Variants in RANBP17 observed in about 807,000 individuals in gnomAD.
RANBP17 encodes the protein ran-binding protein 17.
A neutral mutation model predicts 141.2 loss-of-function variants in RANBP17; 158 were observed. That is an observed-to-expected ratio of 1.12 (90% CI 0.98 to 1.28). The LOEUF (loss-of-function observed/expected upper bound fraction) is 1.28, where lower values mean the gene tolerates loss of function less well. RANBP17 is among the 50% of genes most tolerant of loss of function. The pLI, the probability that RANBP17 is intolerant of heterozygous loss-of-function variation, is 0.00. For missense variants in RANBP17, 1,438 were observed against 1,290.7 expected (o/e 1.11, Z -1.75); for synonymous variants, 430 against 450.0 (o/e 0.96, Z 0.56).
intron 14 of RANBP17, among the ~76,000 whole-genome samples, chr5:171,056,826 T>A (rs774117290): frequency 2.0e-5 from 3 of 152,236 alleles, no homozygotes; most frequent in East Asian, 3.9e-4. Context: ...ACCTCAAAAA[T>A]TTTTTAAAGC....
chr5:171,160,060 G>T (rs1759228562), intron 14 of RANBP17, among the ~76,000 whole-genome samples: 1 of 152,046 alleles, frequency 6.6e-6, no homozygotes, highest in African/African-American at 2.4e-5. Flanking sequence ...ACTTACCTTG[G>T]AGATAGGAAG....
At position 170,916,466 on chromosome 5, in the gene RANBP17, C is replaced by T. The variant is rs1771979313; in HGVS notation, c.836C>T (p.Ala279Val). Residue 279 changes from alanine (A) to valine (V), a missense_variant and splice_region_variant, in exon 9 of 28, where the codon GCA (alanine) becomes GTA (valine). Ala to Val is a moderately conservative substitution (Grantham distance 64). Transcript: ENST00000523189. ...HSLPPLLSQLALSCLVQFAST... is the reference protein window; with the variant it reads ...HSLPPLLSQLVLSCLVQFAST... ...TGAAATTTTTTTGGTATTTTTTAGG[C>T]ACTTTCATGTTTAGTTCAGTTTGCT... 2.0e-6 allele frequency: 3 copies of T among 1,529,176 alleles called. No individual in the cohort carries two copies. Among genetic ancestry groups the T allele is most frequent in the Non-Finnish European group, 2.6e-6 (3 of 1,134,930 alleles). 94.7% of individuals were successfully genotyped at this position (1,529,176 alleles called of 1,614,324 possible). A position where few individuals can be genotyped will look rare whatever the true frequency, so the allele number is the denominator to read the frequency against.
intron 25 of RANBP17, among the ~76,000 whole-genome samples, chr5:171,278,553 G>A (rs1364211038): frequency 6.6e-6 from 1 of 152,062 alleles, no homozygotes; most frequent in African/African-American, 2.4e-5. Context: ...CTAAATTGAA[G>A]ACGTGAAAAC....
At chr5:171,089,657 C>T (rs1224204796) in intron 14 of RANBP17, among the ~76,000 whole-genome samples, 9 of 152,184 alleles carry the variant, frequency 5.9e-5, no homozygotes, top group African/African-American at 1.9e-4. Context: ...GATATAATCT[C>T]GTGGTGCGCC....
intron 13 of RANBP17, among the ~76,000 whole-genome samples, chr5:170,959,571 A>G (rs1238528526): frequency 7.2e-5 from 11 of 152,142 alleles, no homozygotes; most frequent in Non-Finnish European, 1.6e-4. Flanking sequence ...AGGGGCACCA[A>G]CCTTCCACAC....
chr5:171,298,238 T>C (rs1768942657), intron 27 of RANBP17, among the ~76,000 whole-genome samples: 1 of 152,164 alleles, frequency 6.6e-6, no homozygotes, highest in South Asian at 2.1e-4. Flanking sequence ...TCATCCAATA[T>C]CACCGGACTC....
At position 171,205,578 on chromosome 5, in the gene RANBP17, A is replaced by G; in HGVS notation, c.2197A>G (p.Thr733Ala). ...TCGAGGGATTGCCTTTGCACTGAACACAAAGACCAGCTACACCATGCTGTT... is the reference window on the plus strand; with the variant it reads ...TCGAGGGATTGCCTTTGCACTGAACGCAAAGACCAGCTACACCATGCTGTT... ...DLRGIAFALNTKTSYTMLFDW... is the reference protein window; with the variant it reads ...DLRGIAFALNAKTSYTMLFDW... Residue 733 changes from threonine (T) to alanine (A), a missense_variant, in exon 20 of 28, where the codon ACA becomes GCA. Thr to Ala is a moderately conservative substitution (Grantham distance 58). Transcript: ENST00000523189. 3.1e-6 allele frequency: 5 copies of G among 1,613,996 alleles called. No individual in the cohort carries two copies. Among genetic ancestry groups the G allele is most frequent in the Non-Finnish European group, 4.2e-6 (5 of 1,179,912 alleles).
intron 14 of RANBP17, among the ~76,000 whole-genome samples, chr5:171,121,400 C>T (rs895782180): frequency 3.3e-5 from 5 of 152,194 alleles, no homozygotes; most frequent in Non-Finnish European, 5.9e-5. Flanking sequence ...AGAGCGCCTG[C>T]GGAGCTGTTT....
intron 14 of RANBP17, among the ~76,000 whole-genome samples, chr5:171,102,401 G>A (rs149048060): frequency 0.046 from 6,960 of 151,690 alleles, 198 homozygotes; most frequent in East Asian, 0.12. Context: ...TGATACTTGT[G>A]TATGCTTCAC....
At chr5:171,228,458 T>C (rs972026370) in intron 22 of RANBP17, among the ~76,000 whole-genome samples, 1 of 152,210 alleles carries the variant, frequency 6.6e-6, no homozygotes, top group African/African-American at 2.4e-5. Flanking sequence ...TTCTTCTGGA[T>C]GACCAAAGAA....
At position 170,914,221 on chromosome 5, in the gene RANBP17, C is replaced by T. The variant is rs1308286516; in HGVS notation, c.815C>T (p.Pro272Leu). 2 of 1,606,030 alleles carry T rather than the reference C, an allele frequency of 1.2e-6. No individual in the cohort carries two copies. Among genetic ancestry groups the T allele is most frequent in the Admixed American group, 3.3e-5 (2 of 59,858 alleles). Residue 272 changes from proline to leucine, a missense_variant, in exon 8 of 28, where the codon CCA (proline) becomes CTA (leucine). By Grantham distance (98) the Pro-to-Leu change is moderately conservative. Transcript: ENST00000523189. ...TTCTTCAATTTGTATCATTCACTTC[C>T]ACCACTACTATCTCAGTTAGTAAGT... ...DLFFNLYHSL[P>L]PLLSQLALSC...
chr5:171,172,003 A>G (rs1760132695), intron 16 of RANBP17, among the ~76,000 whole-genome samples: 1 of 151,998 alleles, frequency 6.6e-6, no homozygotes, highest in African/African-American at 2.4e-5. Flanking sequence ...TCTTTTCTAC[A>G]TTAGCTATCA....
intron 14 of RANBP17, among the ~76,000 whole-genome samples, chr5:170,999,615 A>G (rs1367454734): frequency 2.0e-5 from 3 of 152,200 alleles, no homozygotes; most frequent in Non-Finnish European, 4.4e-5. Context: ...GCTTAGAAAA[A>G]TATGGGAATT....
At chr5:171,110,807 A>G (rs574379533) in intron 14 of RANBP17, among the ~76,000 whole-genome samples, 5 of 150,778 alleles carry the variant, frequency 3.3e-5, no homozygotes, top group African/African-American at 1.2e-4. Context: ...CTCTTTATAG[A>G]TTTTTCTCTA....
At chr5:171,095,563 G>C (rs1338538553) in intron 14 of RANBP17, among the ~76,000 whole-genome samples, 1 of 152,164 alleles carries the variant, frequency 6.6e-6, no homozygotes, top group African/African-American at 2.4e-5. Flanking sequence ...TGTTGATGCT[G>C]ATAAACAAAT....
At chr5:171,041,765 A>G (rs1387498326) in intron 14 of RANBP17, among the ~76,000 whole-genome samples, 4 of 152,112 alleles carry the variant, frequency 2.6e-5, no homozygotes, top group Non-Finnish European at 4.4e-5. Context: ...AAGTTCTGGG[A>G]TACATGTGCA....
chr5:170,965,598 GTTTCAGCTTTCTATATA>G (rs1776496177), intron 13 of RANBP17, among the ~76,000 whole-genome samples: 1 of 152,130 alleles, frequency 6.6e-6, no homozygotes, highest in Non-Finnish European at 1.5e-5. Flanking sequence ...AAGGGATCCA[GTTTCAGCTTTCTATATA>G]TGGCTAGCCA....
chr5:171,275,332 G>A (rs1299098917), intron 25 of RANBP17, among the ~76,000 whole-genome samples: 1 of 152,044 alleles, frequency 6.6e-6, no homozygotes, highest in African/African-American at 2.4e-5. Flanking sequence ...ATCATTATGG[G>A]GATTGTTTTT....
intron 14 of RANBP17, among the ~76,000 whole-genome samples, chr5:171,149,425 C>T (rs17073369): frequency 0.057 from 8,636 of 152,234 alleles, 303 homozygotes; most frequent in East Asian, 0.12. Flanking sequence ...TTTCACTTAC[C>T]GTATTTCACT....
Sources: gnomAD v4.1 joint callset for allele counts (sites outside exome capture counted in the v4.1 genomes callset) on GRCh38, gnomAD v4.1.1 for gene constraint, MANE v1.5 for transcripts, NCBI Gene and HGNC (gene_info 2026-07-23, HGNC 2026-07-21) for gene names.